Variants in MAGI2 observed in about 807,000 individuals in gnomAD.
MAGI2 encodes membrane associated guanylate kinase, WW and PDZ domain containing 2.
A neutral mutation model predicts 133.3 loss-of-function variants in MAGI2; 35 were observed. The observed-to-expected ratio is 0.26, with a 90% CI of 0.20 to 0.35. The LOEUF (loss-of-function observed/expected upper bound fraction) is 0.35, where lower values mean the gene tolerates loss of function less well. MAGI2 is among the 10% of genes least tolerant of loss of function. The pLI is 1.00. For synonymous variants in MAGI2, 729 were observed against 710.6 expected, an observed-to-expected ratio of 1.03 and a Z score of -0.41; for missense variants, 1,636 against 1,863.4, an observed-to-expected ratio of 0.88 and a Z score of 2.25.
chr7:78,493,198 A>G (rs1425830665), intron 5 of MAGI2, among the ~76,000 whole-genome samples: 1 of 152,198 alleles, frequency 6.6e-6, no homozygotes, highest in Non-Finnish European at 1.5e-5. Flanking sequence ...TGGCCTTGAA[A>G]ATATGCAATA....
chr7:78,353,826 G>A (rs1223453221), intron 7 of MAGI2, among the ~76,000 whole-genome samples: 1 of 152,164 alleles, frequency 6.6e-6, no homozygotes, highest in African/African-American at 2.4e-5. Context: ...TGGCAATGTG[G>A]GAGCAAGAGG....
chr7:79,249,019 A>G (rs924152052), intron 1 of MAGI2, among the ~76,000 whole-genome samples: 1 of 152,024 alleles, frequency 6.6e-6, no homozygotes. Flanking sequence ...GCCCGCCACC[A>G]CACCAAGCTA....
chr7:78,445,591 G>A (rs1386636509), intron 6 of MAGI2, among the ~76,000 whole-genome samples: 1 of 151,970 alleles, frequency 6.6e-6, no homozygotes, highest in African/African-American at 2.4e-5. Flanking sequence ...AATATTGACT[G>A]TTGCTACCAC....
At chr7:78,532,807 CATG>C (rs1410881933) in intron 3 of MAGI2, among the ~76,000 whole-genome samples, 2 of 152,202 alleles carry the variant, frequency 1.3e-5, no homozygotes, top group East Asian at 3.8e-4. Context: ...GCTTTGACTG[CATG>C]ATGCTAGCAT....
intron 1 of MAGI2, among the ~76,000 whole-genome samples, chr7:79,400,576 T>C (rs1415098354): frequency 1.3e-5 from 2 of 152,172 alleles, no homozygotes; most frequent in Non-Finnish European, 2.9e-5. Context: ...CAAACTGCAA[T>C]GATTAATATA....
At chr7:79,224,009 G>A (rs1297274058) in intron 1 of MAGI2, among the ~76,000 whole-genome samples, 5 of 152,050 alleles carry the variant, frequency 3.3e-5, no homozygotes, top group Non-Finnish European at 1.5e-5. Flanking sequence ...CTTCTGAAGT[G>A]TTAACTGTAA....
chr7:78,286,347 G>A (rs536848692), intron 9 of MAGI2, among the ~76,000 whole-genome samples: 19 of 152,182 alleles, frequency 1.2e-4, no homozygotes, highest in South Asian at 1.0e-3. Context: ...TAGGGGAGCT[G>A]AATATTTTAC....
intron 1 of MAGI2, among the ~76,000 whole-genome samples, chr7:79,242,881 C>T (rs1832525082): frequency 6.6e-6 from 1 of 152,098 alleles, no homozygotes; most frequent in South Asian, 2.1e-4. Flanking sequence ...TCCCTAAAAG[C>T]ATAATGCTAA....
chr7:78,673,470 C>G (rs746839651), intron 2 of MAGI2, among the ~76,000 whole-genome samples: 1 of 151,988 alleles, frequency 6.6e-6, no homozygotes, highest in Non-Finnish European at 1.5e-5. Context: ...ACCTGAGAAC[C>G]AGGAAATCTG....
At chr7:79,022,986 A>G (rs763298728) in intron 1 of MAGI2, among the ~76,000 whole-genome samples, 4 of 152,162 alleles carry the variant, frequency 2.6e-5, no homozygotes, top group Non-Finnish European at 4.4e-5. Context: ...AACTCATTCT[A>G]TGAAGGCAGC....
chr7:79,011,947 T>C (rs958234629), intron 1 of MAGI2: 1 of 141,662 alleles, frequency 7.1e-6, no homozygotes, highest in East Asian at 2.1e-4. Flanking sequence ...CTTTCTTTCT[T>C]TCTCTGTTCT....
intron 7 of MAGI2, among the ~76,000 whole-genome samples, chr7:78,352,171 G>A (rs1791588448): frequency 1.3e-5 from 2 of 152,256 alleles, no homozygotes; most frequent in South Asian, 4.1e-4. Context: ...AAAGTCTCTT[G>A]ACTAGACACT....
At chr7:78,340,348 C>G (rs1485199778) in intron 9 of MAGI2, among the ~76,000 whole-genome samples, 1 of 152,066 alleles carries the variant, frequency 6.6e-6, no homozygotes, top group Admixed American at 6.6e-5. Flanking sequence ...CAGGACCAGA[C>G]AGATTCACAG....
chr7:79,171,334 T>A (rs1453232784), intron 1 of MAGI2, among the ~76,000 whole-genome samples: 1 of 151,994 alleles, frequency 6.6e-6, no homozygotes, highest in Non-Finnish European at 1.5e-5. Context: ...AAATCTTCCC[T>A]TTTTATAAGA....
At chr7:79,022,644 TCC>T in intron 1 of MAGI2, among the ~76,000 whole-genome samples, 1 of 24,816 alleles carries the variant, frequency 4.0e-5, no homozygotes, top group Non-Finnish European at 9.3e-5. Context: ...AGAGACAAGA[TCC>T]AAAAAAAAAA....
intron 1 of MAGI2, among the ~76,000 whole-genome samples, chr7:79,251,348 A>G (rs759518474): frequency 4.6e-5 from 7 of 152,168 alleles, no homozygotes; most frequent in African/African-American, 7.2e-5. Flanking sequence ...CTGACAAGAG[A>G]TTATTAACCA....
At chr7:78,677,871 C>T (rs763812222) in intron 2 of MAGI2, among the ~76,000 whole-genome samples, 13 of 152,034 alleles carry the variant, frequency 8.6e-5, no homozygotes, top group Non-Finnish European at 1.3e-4. Flanking sequence ...CATAGTACAG[C>T]GTCTGGGGGA....
intron 1 of MAGI2, among the ~76,000 whole-genome samples, chr7:79,039,876 G>A (rs1443179494): frequency 7.0e-6 from 1 of 142,066 alleles, no homozygotes; most frequent in Non-Finnish European, 1.5e-5. Flanking sequence ...TAATATATAT[G>A]TATATATAAT....
At chr7:78,060,260 A>G (rs1261157213) in intron 21 of MAGI2, among the ~76,000 whole-genome samples, 1 of 122,850 alleles carries the variant, frequency 8.1e-6, no homozygotes, top group Non-Finnish European at 1.7e-5. Flanking sequence ...CCCCCTCTTT[A>G]GATTAGATTG....
Sources: gnomAD v4.1 joint callset for allele counts (sites outside exome capture counted in the v4.1 genomes callset) on GRCh38, gnomAD v4.1.1 for gene constraint, MANE v1.5 for transcripts, NCBI Gene and HGNC (gene_info 2026-07-23, HGNC 2026-07-21) for gene names.